Variants in CNTLN observed in about 807,000 individuals in gnomAD.
The protein encoded by CNTLN is centlein, also known as centlein, centrosomal protein.
CNTLN carries 212 observed loss-of-function variants against 180.0 expected under a neutral mutation model. That is an observed-to-expected ratio of 1.18 (90% confidence interval 1.05 to 1.32). The LOEUF (loss-of-function observed/expected upper bound fraction) is 1.32. Ranked by LOEUF, CNTLN falls within the 40% of genes most tolerant of loss-of-function variation. The pLI is 0.00. For missense variants in CNTLN, 2,095 were observed against 1,610.9 expected, an observed-to-expected ratio of 1.30 and a Z score of -5.14; for synonymous variants, 722 against 563.1, an observed-to-expected ratio of 1.28 and a Z score of -3.99.
chr9:17,514,640 C>T, the CNTLN span, among the ~76,000 whole-genome samples: 1 of 152,098 alleles, frequency 6.6e-6, no homozygotes, highest in Non-Finnish European at 1.5e-5. Context: ...ATTCAAAAAA[C>T]AGCATACTTG....
downstream of CNTLN, among the ~76,000 whole-genome samples, chr9:17,506,803 A>G (rs965958188): frequency 1.3e-5 from 2 of 152,140 alleles, no homozygotes; most frequent in Non-Finnish European, 2.9e-5. Flanking sequence ...AGTTCATGAG[A>G]TACATGGGCA....
chr9:17,487,618 T>A (rs1486864558), intron 25 of CNTLN, among the ~76,000 whole-genome samples: 1 of 151,956 alleles, frequency 6.6e-6, no homozygotes, highest in Admixed American at 6.6e-5. Flanking sequence ...AATGAAAAAA[T>A]TTCCACCAGA....
At chr9:17,295,969 T>TGAGAGAGAGAGAGAGAGAGA (rs113148833) in intron 6 of CNTLN, among the ~76,000 whole-genome samples, 1 of 119,812 alleles carries the variant, frequency 8.3e-6, no homozygotes, top group African/African-American at 3.3e-5. Context: ...TACTCTTCAG[T>TGAGAGAGAGAGAGAGAGAGA]GAGAGAGAGA....
At chr9:17,161,225 G>A (rs1293055670) in intron 2 of CNTLN, among the ~76,000 whole-genome samples, 1 of 151,880 alleles carries the variant, frequency 6.6e-6, no homozygotes, top group Non-Finnish European at 1.5e-5. Context: ...TAAATTTGTA[G>A]AAAATATTAT....
intron 18 of CNTLN, among the ~76,000 whole-genome samples, chr9:17,453,975 C>G (rs1364817021): frequency 6.6e-6 from 1 of 152,122 alleles, no homozygotes; most frequent in East Asian, 1.9e-4. Flanking sequence ...GACGCTGACC[C>G]TAATTACATC....
chr9:17,257,220 T>C (rs1032613576), intron 5 of CNTLN, among the ~76,000 whole-genome samples: 2 of 151,868 alleles, frequency 1.3e-5, no homozygotes, highest in Non-Finnish European at 1.5e-5. Flanking sequence ...AGTGAGAATA[T>C]GCGGTGTTTG....
At chr9:17,302,267 A>G (rs953632669) in intron 7 of CNTLN, among the ~76,000 whole-genome samples, 1 of 150,416 alleles carries the variant, frequency 6.6e-6, no homozygotes, top group African/African-American at 2.5e-5. Flanking sequence ...CACGATCTCG[A>G]CTCACTGCAA....
At chr9:17,418,171 T>C (rs536203294) in intron 18 of CNTLN, among the ~76,000 whole-genome samples, 11 of 152,128 alleles carry the variant, frequency 7.2e-5, no homozygotes, top group African/African-American at 2.6e-4. Flanking sequence ...GAACATCTAA[T>C]ATTCAAAAAA....
chr9:17,389,669 C>T (rs1268064532), intron 14 of CNTLN, among the ~76,000 whole-genome samples: 1 of 151,988 alleles, frequency 6.6e-6, no homozygotes, highest in Non-Finnish European at 1.5e-5. Context: ...ATATATGAAA[C>T]TCACTCAAAA....
At chr9:17,318,327 C>A (rs1156530862) in intron 8 of CNTLN, among the ~76,000 whole-genome samples, 1 of 152,020 alleles carries the variant, frequency 6.6e-6, no homozygotes, top group Non-Finnish European at 1.5e-5. Context: ...CCGCGCCGGG[C>A]CCTAACTGAA....
chr9:17,202,872 G>A (rs1268180910), intron 2 of CNTLN, among the ~76,000 whole-genome samples: 3 of 151,894 alleles, frequency 2.0e-5, no homozygotes, highest in African/African-American at 4.8e-5. Flanking sequence ...ATTTGATCCT[G>A]TCATCATGAT....
At chr9:17,411,807 A>C (rs1330185722) in intron 16 of CNTLN, among the ~76,000 whole-genome samples, 1 of 151,932 alleles carries the variant, frequency 6.6e-6, no homozygotes. Context: ...CCCCCTATCC[A>C]TGCAAAAATT....
chr9:17,328,574 T>A (rs1277991520), intron 8 of CNTLN, among the ~76,000 whole-genome samples: 1 of 152,156 alleles, frequency 6.6e-6, no homozygotes, highest in Non-Finnish European at 1.5e-5. Flanking sequence ...GTAAAACACT[T>A]CTTGTAAACA....
intron 7 of CNTLN, 153 bp downstream of exon 7, chr9:17,298,505 G>A: frequency 3.0e-6 from 4 of 1,323,066 alleles, no homozygotes; most frequent in Non-Finnish European, 2.9e-6. Flanking sequence ...GGTTCAATTT[G>A]ATAACATTTA....
chr9:17,394,659 T>C lies in CNTLN; in HGVS notation c.2205T>C (p.Asp735=). 1 of 1,612,514 alleles carries C rather than the reference T, an allele frequency of 6.2e-7. No homozygotes were observed. Among genetic ancestry groups the C allele is most frequent in the Non-Finnish European group, 8.5e-7 (1 of 1,179,354 alleles). Residue 735 remains aspartate, a synonymous_variant, in exon 15 of 26, where the codon GAT becomes GAC. Coordinates refer to ENST00000380647, the MANE Select transcript of CNTLN (RefSeq NM_017738.4). The stretch of plus-strand genomic sequence containing the variant: ...CCCTCTTAAAACAGCAACAAGAAGA[T>C]ACAGAGACCAGAGAAAAAGAGCTAG... ...LKSLLKQQQE[D]TETREKELEQ... is the part of the protein sequence containing the mutation.
At chr9:17,427,769 A>C (rs1291198078) in intron 18 of CNTLN, among the ~76,000 whole-genome samples, 3 of 152,164 alleles carry the variant, frequency 2.0e-5, no homozygotes, top group Admixed American at 2.0e-4. Flanking sequence ...TGGGGCTCTC[A>C]ACGGTGGATT....
At chr9:17,283,346 C>T (rs1828780401) in intron 6 of CNTLN, among the ~76,000 whole-genome samples, 1 of 152,002 alleles carries the variant, frequency 6.6e-6, no homozygotes. Flanking sequence ...GCATTTTATT[C>T]TTTTCTTAGC....
chr9:17,375,103 T>G (rs908279647), intron 13 of CNTLN, among the ~76,000 whole-genome samples: 1 of 152,180 alleles, frequency 6.6e-6, no homozygotes, highest in Non-Finnish European at 1.5e-5. Flanking sequence ...AGAATTGAAA[T>G]CTTGTCATTT....
chr9:17,484,063 G>A (rs76477111), intron 23 of CNTLN, among the ~76,000 whole-genome samples: 2,897 of 152,218 alleles, frequency 0.019, 38 homozygotes, highest in Non-Finnish European at 0.027. Context: ...ATCTGAAAGA[G>A]GGATGGGGGA....
Sources: gnomAD v4.1 joint callset for allele counts (sites outside exome capture counted in the v4.1 genomes callset) on GRCh38, gnomAD v4.1.1 for gene constraint, MANE v1.5 for transcripts, NCBI Gene and HGNC (gene_info 2026-07-23, HGNC 2026-07-21) for gene names.